Variants in SMAD4 observed in about 807,000 individuals in gnomAD.
SMAD4 encodes the protein MAD homolog 4.
A neutral mutation model predicts 63.2 loss-of-function variants in SMAD4; 7 were observed. The observed-to-expected ratio is 0.11, with a 90% CI of 0.06 to 0.21. SMAD4 has a LOEUF of 0.21. Among genes scored for constraint, SMAD4 ranks in the 10% least tolerant of loss-of-function variants. The probability of loss-of-function intolerance (pLI) is 1.00; values close to 1 mark genes in which losing one functional copy is unlikely to be tolerated. For missense variants in SMAD4, 312 were observed against 693.8 expected, an observed-to-expected ratio of 0.45 and a Z score of 6.18; for synonymous variants, 215 against 235.4, an observed-to-expected ratio of 0.91 and a Z score of 0.79.
rs1406415405 is a variant in SMAD4, at chr18:51,084,246, C to T, written c.*5779C>T. On this transcript the variant is annotated 3_prime_UTR_variant, in exon 12 of 12. Coordinates refer to ENST00000342988, the MANE Select transcript of SMAD4 (RefSeq NM_005359.6). ...TTTTCAGTGAAAATGGATTGAAAACCTGTTGTTAATGCTTAGTGATATTAT... is the reference window on the plus strand; with the variant it reads ...TTTTCAGTGAAAATGGATTGAAAACTTGTTGTTAATGCTTAGTGATATTAT... 1 of 229,458 alleles carries T rather than the reference C, an allele frequency of 4.4e-6. No homozygotes were observed. Among genetic ancestry groups the T allele is most frequent in the Non-Finnish European group, 8.6e-6 (1 of 115,828 alleles). The allele number at this position is 229,458 out of a possible 1,614,324, so 14.2% of individuals were successfully genotyped here. A position where few individuals can be genotyped will look rare whatever the true frequency, so the allele number is the denominator to read the frequency against.
intron 1 of SMAD4, among the ~76,000 whole-genome samples, chr18:51,044,351 AGAAAAATGCGTAATGCATTTTAG>A (rs1200387269): frequency 2.6e-5 from 4 of 152,200 alleles, no homozygotes; most frequent in African/African-American, 9.6e-5. Flanking sequence ...TAGAAAATGC[AGAAAAATGCGTAATGCATTTTAG>A]GAAAAATCTT....
chr18:51,067,927 C>A (rs1251880501), intron 10 of SMAD4, among the ~76,000 whole-genome samples: 1 of 152,080 alleles, frequency 6.6e-6, no homozygotes, highest in Non-Finnish European at 1.5e-5. Context: ...ATATATTCAA[C>A]CTGTTTGAAT....
rs1057523437 is a variant in SMAD4 at position 51,047,190 on chromosome 18, G to A, written c.144G>A (p.Lys48=). ...TTGAAAGTTTGGTAAAGAAGCTGAAGGAGAAAAAAGATGAATTGGATTCTT... is the reference window on the plus strand; with the variant it reads ...TTGAAAGTTTGGTAAAGAAGCTGAAAGAGAAAAAAGATGAATTGGATTCTT... ...RAIESLVKKL[K]EKKDELDSLI... Residue 48 remains lysine, a synonymous_variant, in exon 2 of 12, where the codon AAG becomes AAA. Transcript: ENST00000342988. 6.2e-7 allele frequency: 1 copy of A among 1,613,878 alleles called. No individual in the cohort carries two copies. Among genetic ancestry groups the A allele is most frequent in the Non-Finnish European group, 8.5e-7 (1 of 1,179,948 alleles).
At chr18:51,071,406 G>C (rs9807412) in intron 10 of SMAD4, among the ~76,000 whole-genome samples, 3,044 of 152,094 alleles carry the variant, frequency 0.02, 104 homozygotes, top group African/African-American at 0.067. Context: ...CTTCTAAGTT[G>C]ACTTTTTTTC....
intron 4 of SMAD4, among the ~76,000 whole-genome samples, chr18:51,050,387 C>T (rs1434842664): frequency 1.3e-5 from 2 of 150,046 alleles, no homozygotes; most frequent in Admixed American, 6.6e-5. Context: ...AGGCTGGGCA[C>T]GGTGGCTCAC....
rs534527552 is a variant in SMAD4, at chr18:51,077,927, C to T, written c.1448-329C>T. On this transcript the variant is annotated intron_variant, in intron 11 of 11. Coordinates refer to ENST00000342988, the MANE Select transcript of SMAD4 (RefSeq NM_005359.6). Reference sequence around the variant, plus strand: ...GGTTTTTAGAAGCAACCTGTGGACACGCACTACCTCTTAAAAACAAGTTGT... The same window carrying T: ...GGTTTTTAGAAGCAACCTGTGGACATGCACTACCTCTTAAAAACAAGTTGT... Among the ~76,000 whole-genome samples the T allele has an allele frequency of 1.2e-4, 19 of 152,300 alleles. No homozygotes were observed. The South Asian group carries it at 2.5e-3, about 20-fold the overall frequency.
In SMAD4 at chr18:51,084,004, G is replaced by A. The variant is rs1483955423; in HGVS notation, c.*5537G>A. 6 of 105,074 alleles carry A rather than the reference G, an allele frequency of 5.7e-5. No individual in the cohort carries two copies. The highest frequency in any genetic ancestry group is 1.1e-3 in the South Asian group (2 of 1,900). The allele number at this position is 105,074 out of a possible 1,614,324, so 6.5% of individuals were successfully genotyped here. ...ATAAACACTTAACGCGCGTGCGCAC[G>A]CGCGCGCGCACACACACACACACAC... On this transcript the variant is annotated 3_prime_UTR_variant, in exon 12 of 12. Coordinates refer to ENST00000342988, the MANE Select transcript of SMAD4 (RefSeq NM_005359.6).
rs1334240501 is a variant in SMAD4, at chr18:51,081,895, T to C, written c.*3428T>C. The C allele has an allele frequency of 8.6e-6, 2 of 232,232 alleles. No homozygotes were observed. The highest frequency in any genetic ancestry group is 1.7e-5 in the Non-Finnish European group (2 of 117,518). The allele number at this position is 232,232 out of a possible 1,614,324, so 14.4% of individuals were successfully genotyped here. The stretch of plus-strand genomic sequence containing the variant: ...CTATGGAGGTTAAAGAATAAAATGG[T>C]AAATGTTTCTGTGCCTGGTTTGATG... On this transcript the variant is annotated 3_prime_UTR_variant, in exon 12 of 12. Transcript: ENST00000342988.
At chr18:51,048,436 G>A (rs966004967) in intron 2 of SMAD4, among the ~76,000 whole-genome samples, 3 of 152,222 alleles carry the variant, frequency 2.0e-5, no homozygotes, top group Admixed American at 6.5e-5. Context: ...AGGATTACAG[G>A]TGTGAGCCAC....
chr18:51,037,912 C>T (rs1909252023), intron 1 of SMAD4, among the ~76,000 whole-genome samples: 2 of 152,076 alleles, frequency 1.3e-5, no homozygotes, highest in Admixed American at 6.5e-5. Context: ...TTGGGAAACT[C>T]CTGTCACTAT....
At chr18:51,047,352 T>A (rs2144402354) in intron 2 of SMAD4, 57 bp downstream of exon 2, 1 of 1,514,970 alleles carries the variant, frequency 6.6e-7, no homozygotes, top group Non-Finnish European at 9.2e-7. Context: ...AAAAACTTGC[T>A]ACGTTTCCTT....
chr18:51,055,133 A>G, intron 5 of SMAD4, 140 bp downstream of exon 5: 1 of 719,406 alleles, frequency 1.4e-6, no homozygotes, highest in Non-Finnish European at 2.5e-6. Context: ...AACAGGTATT[A>G]AACAGGTATG....
At chr18:51,037,119 G>A (rs1235221110) in intron 1 of SMAD4, among the ~76,000 whole-genome samples, 1 of 152,218 alleles carries the variant, frequency 6.6e-6, no homozygotes, top group Non-Finnish European at 1.5e-5. Flanking sequence ...GGGAGACAGA[G>A]GTTGCAGTGA....
chr18:51,041,135 T>G (rs2144388946), intron 1 of SMAD4, among the ~76,000 whole-genome samples: 1 of 152,258 alleles, frequency 6.6e-6, no homozygotes, highest in African/African-American at 2.4e-5. Context: ...CCTAACTGGT[T>G]TTCTATTTCC....
chr18:51,056,646 A>G (rs1909854884), intron 5 of SMAD4, among the ~76,000 whole-genome samples: 2 of 140,168 alleles, frequency 1.4e-5, no homozygotes, highest in African/African-American at 5.1e-5. Flanking sequence ...AAAAAAAAAG[A>G]GGGTTCCCTT....
chr18:51,072,419 G>C (rs1910341784), intron 10 of SMAD4, among the ~76,000 whole-genome samples: 1 of 152,142 alleles, frequency 6.6e-6, no homozygotes, highest in Non-Finnish European at 1.5e-5. Flanking sequence ...ACCACTGGTG[G>C]ACTAGGTCAG....
At chr18:51,053,462 T>C (rs963169565) in intron 4 of SMAD4, 1 of 152,210 alleles carries the variant, frequency 6.6e-6, no homozygotes, top group Non-Finnish European at 1.5e-5. Context: ...GTTTTTTTTA[T>C]TGATACATAA....
intron 1 of SMAD4, among the ~76,000 whole-genome samples, chr18:51,040,689 C>T (rs149951956): frequency 7.2e-5 from 11 of 152,300 alleles, no homozygotes; most frequent in East Asian, 1.9e-4. Flanking sequence ...TTGGCTTTCT[C>T]GTCCATTTAT....
At chr18:51,041,002 T>C (rs1909363432) in intron 1 of SMAD4, among the ~76,000 whole-genome samples, 1 of 152,202 alleles carries the variant, frequency 6.6e-6, no homozygotes. Flanking sequence ...ACCCTTCATA[T>C]TTCAGTTGGT....
Sources: allele counts gnomAD v4.1 joint callset (sites outside exome capture counted in the v4.1 genomes callset), GRCh38; gene constraint gnomAD v4.1.1; transcripts MANE v1.5; gene names NCBI Gene and HGNC (gene_info 2026-07-23, HGNC 2026-07-21).